ROBO1: variants seen among roughly 807,000 people sequenced by gnomAD.
ROBO1 encodes the protein roundabout guidance receptor 1.
Under a neutral mutation model 195.9 loss-of-function variants are expected in ROBO1, and 149 were observed. The observed-to-expected ratio is 0.76, with a 90% CI of 0.67 to 0.87. The LOEUF is 0.87. Ranked by LOEUF, ROBO1 falls within the 40% of genes least tolerant of loss-of-function variation. ROBO1 has a pLI of 0.00. For synonymous variants in ROBO1, 816 were observed against 733.2 expected (o/e 1.11, Z -1.82); for missense variants, 1,933 against 2,068.3 (o/e 0.93, Z 1.27).
In ROBO1 at chr3:79,541,287, G is replaced by A. The variant is rs767436424; in HGVS notation, c.88+48537C>T. Among the ~76,000 whole-genome samples, 6 of 152,150 alleles carry A rather than the reference G, an allele frequency of 3.9e-5. No homozygotes were observed. The East Asian group carries it at 7.7e-4, about 20-fold the overall frequency. ...GAATTTTTCTTATAATTTAAGTGAC[G>A]TGACAGGCCAATTCATGCCACTGAT... On this transcript the variant is annotated intron_variant, in intron 2 of 30. Transcript: ENST00000464233.
chr3:79,171,077 AATT>A (rs1195546389), intron 2 of ROBO1, among the ~76,000 whole-genome samples: 2 of 151,072 alleles, frequency 1.3e-5, no homozygotes, highest in Non-Finnish European at 1.5e-5. Context: ...CTTTCTATAA[AATT>A]ATTATTTTAT....
At chr3:79,586,109 T>C (rs1042544249) in intron 2 of ROBO1, among the ~76,000 whole-genome samples, 10 of 152,096 alleles carry the variant, frequency 6.6e-5, no homozygotes, top group African/African-American at 2.4e-4. Flanking sequence ...CAATTTGTTT[T>C]CACATGTCAA....
At chr3:79,481,048 T>C (rs1347917394) in intron 2 of ROBO1, among the ~76,000 whole-genome samples, 3 of 152,144 alleles carry the variant, frequency 2.0e-5, no homozygotes, top group Non-Finnish European at 2.9e-5. Context: ...GGTAATGCAG[T>C]TTTATTTATA....
At chr3:79,672,507 A>G (rs1293778497) in intron 1 of ROBO1, among the ~76,000 whole-genome samples, 1 of 151,980 alleles carries the variant, frequency 6.6e-6, no homozygotes, top group African/African-American at 2.4e-5. Context: ...GGGTATACGA[A>G]TTAATCTGGA....
chr3:78,892,147 C>T (rs1192246655), intron 4 of ROBO1, among the ~76,000 whole-genome samples: 1 of 152,172 alleles, frequency 6.6e-6, no homozygotes, highest in Non-Finnish European at 1.5e-5. Flanking sequence ...ATCGCTTGAG[C>T]TCAGGAGTTT....
intron 2 of ROBO1, among the ~76,000 whole-genome samples, chr3:79,474,870 A>C (rs1938467823): frequency 1.3e-5 from 2 of 152,044 alleles, no homozygotes; most frequent in South Asian, 4.1e-4. Context: ...ATGTTGTATA[A>C]AAATAACAAC....
chr3:78,730,200 C>T (rs1474470472), intron 5 of ROBO1, among the ~76,000 whole-genome samples: 1 of 152,086 alleles, frequency 6.6e-6, no homozygotes, highest in Admixed American at 6.6e-5. Context: ...ACAGTAAATC[C>T]CTTTTCCTCT....
At position 78,598,805 on chromosome 3, in the gene ROBO1, G is replaced by A. The variant is rs1361408453; in HGVS notation, c.*108C>T. 4 of 665,054 alleles carry A rather than the reference G, an allele frequency of 6.0e-6. No individual in the cohort carries two copies. The highest frequency in any genetic ancestry group is 1.0e-5 in the Non-Finnish European group (4 of 391,996). 41.2% of individuals were successfully genotyped at this position (665,054 alleles called of 1,614,324 possible). A position where few individuals can be genotyped will look rare whatever the true frequency, so the allele number is the denominator to read the frequency against. On this transcript the variant is annotated 3_prime_UTR_variant, in exon 31 of 31. Transcript: ENST00000464233. ...ATAAGAGGAATAAAAACGACAATTT[G>A]TACACTCTGATTGCACTGAACATTT...
chr3:79,760,510 A>AG (rs1704641364), intron 1 of ROBO1, among the ~76,000 whole-genome samples: 1 of 150,362 alleles, frequency 6.7e-6, no homozygotes. Flanking sequence ...AAAAAAAAAA[A>AG]AAATAGAATC....
chr3:79,462,090 G>T (rs927984532), intron 2 of ROBO1, among the ~76,000 whole-genome samples: 1 of 152,228 alleles, frequency 6.6e-6, no homozygotes, highest in East Asian at 1.9e-4. Context: ...TAAAGTTGAA[G>T]ATTATAGCCA....
At chr3:79,119,150 T>G (rs767850674) in intron 3 of ROBO1, among the ~76,000 whole-genome samples, 1 of 152,196 alleles carries the variant, frequency 6.6e-6, no homozygotes, top group Non-Finnish European at 1.5e-5. Flanking sequence ...TTAGAAATAG[T>G]GTTAATAAAT....
At chr3:79,382,712 T>C (rs540095560) in intron 2 of ROBO1, among the ~76,000 whole-genome samples, 1 of 152,142 alleles carries the variant, frequency 6.6e-6, no homozygotes, top group Non-Finnish European at 1.5e-5. Flanking sequence ...TCAATTTACA[T>C]CCTGAAGTTT....
intron 4 of ROBO1, among the ~76,000 whole-genome samples, chr3:78,890,508 A>C (rs1294812196): frequency 6.6e-6 from 1 of 152,178 alleles, no homozygotes. Context: ...TGGTTGTTTA[A>C]GCTGCCCAGT....
intron 2 of ROBO1, among the ~76,000 whole-genome samples, chr3:79,197,854 T>C (rs1190350917): frequency 6.6e-6 from 1 of 151,726 alleles, no homozygotes; most frequent in Non-Finnish European, 1.5e-5. Flanking sequence ...GAAGTGTCTG[T>C]TCATATCCTT....
chr3:79,376,977 C>T (rs1191434159), intron 2 of ROBO1, among the ~76,000 whole-genome samples: 1 of 151,948 alleles, frequency 6.6e-6, no homozygotes, highest in African/African-American at 2.4e-5. Context: ...AACCACAGTA[C>T]TGTTTGGGGG....
At chr3:79,069,278 A>G (rs1366032247) in intron 3 of ROBO1, among the ~76,000 whole-genome samples, 1 of 151,832 alleles carries the variant, frequency 6.6e-6, no homozygotes, top group Non-Finnish European at 1.5e-5. Context: ...GCAGCTATAT[A>G]TCTATGTATT....
chr3:79,378,306 C>G (rs1278560350), intron 2 of ROBO1, among the ~76,000 whole-genome samples: 1 of 151,850 alleles, frequency 6.6e-6, no homozygotes, highest in Non-Finnish European at 1.5e-5. Flanking sequence ...TCTTTTCCCT[C>G]GGTGCCAGCC....
chr3:78,617,073 A>G (rs768115149), intron 27 of ROBO1, among the ~76,000 whole-genome samples: 18 of 152,200 alleles, frequency 1.2e-4, no homozygotes, highest in Non-Finnish European at 2.5e-4. Flanking sequence ...ATATACCGTC[A>G]TATCTTCCCA....
chr3:79,287,470 C>T (rs1430374696), intron 2 of ROBO1, among the ~76,000 whole-genome samples: 4 of 151,806 alleles, frequency 2.6e-5, no homozygotes, highest in Non-Finnish European at 4.4e-5. Context: ...TTTAAAAATG[C>T]TATCTCAAAT....
Sources: gnomAD v4.1 joint callset for allele counts (sites outside exome capture counted in the v4.1 genomes callset) on GRCh38, gnomAD v4.1.1 for gene constraint, MANE v1.5 for transcripts, NCBI Gene and HGNC (gene_info 2026-07-23, HGNC 2026-07-21) for gene names.